The following PCDHAC2 variants were observed in gnomAD, a reference collection of about 807,000 sequenced individuals.
PCDHAC2 encodes protocadherin alpha subfamily C, 2.
PCDHAC2 carries 24 observed loss-of-function variants against 63.3 expected under a neutral mutation model. The ratio of observed to expected loss-of-function variants is 0.38; its 90% CI spans 0.27 to 0.53. PCDHAC2 has a LOEUF of 0.53. Ranked by LOEUF, PCDHAC2 falls within the 20% of genes least tolerant of loss-of-function variation. The pLI, the probability that PCDHAC2 is intolerant of heterozygous loss-of-function variation, is 0.81. For synonymous variants in PCDHAC2, 569 were observed against 529.4 expected, an observed-to-expected ratio of 1.07 and a Z score of -1.03; for missense variants, 1,181 against 1,275.2, an observed-to-expected ratio of 0.93 and a Z score of 1.12.
chr5:141,001,022 T>C (rs2097984457), intron 3 of PCDHAC2, among the ~76,000 whole-genome samples: 1 of 152,250 alleles, frequency 6.6e-6, no homozygotes, highest in Non-Finnish European at 1.5e-5. Context: ...TATACACTTA[T>C]AATAATAGCT....
At position 141,009,692 on chromosome 5, in the gene PCDHAC2, A is replaced by G. The variant is rs2098413739; in HGVS notation, c.2779A>G (p.Lys927Glu). The G allele has an allele frequency of 6.2e-7, 1 of 1,613,856 alleles. No homozygotes were observed. Among genetic ancestry groups the G allele is most frequent in the African/African-American group, 1.3e-5 (1 of 74,858 alleles). The stretch of plus-strand genomic sequence containing the variant: ...TGTCAACAGCAACAGCTGGACCTTT[A>G]AATACGGACCAGGCAACCCCAAACA... The part of the protein sequence containing the change: ...AGVNSNSWTF[K>E]YGPGNPKQSG... Residue 927 changes from lysine to glutamate, a missense_variant, in exon 4 of 4, where the codon AAA (lysine) becomes GAA (glutamate). Physicochemically the swap from Lys to Glu is moderately conservative, Grantham distance 56. Transcript: ENST00000289269.
chr5:141,007,133 G>A (rs1588151080), intron 3 of PCDHAC2, among the ~76,000 whole-genome samples: 1 of 152,128 alleles, frequency 6.6e-6, no homozygotes, highest in South Asian at 2.1e-4. Flanking sequence ...CAGATGAGGA[G>A]ACTGACAAAG....
intron 1 of PCDHAC2, among the ~76,000 whole-genome samples, chr5:140,970,254 T>C (rs1315934666): frequency 1.3e-5 from 2 of 152,238 alleles, no homozygotes; most frequent in African/African-American, 4.8e-5. Context: ...TGACAGTTTC[T>C]ATGGTTTTGA....
At chr5:140,971,624 T>C (rs2153790714) in intron 1 of PCDHAC2, among the ~76,000 whole-genome samples, 1 of 152,254 alleles carries the variant, frequency 6.6e-6, no homozygotes, top group East Asian at 1.9e-4. Flanking sequence ...TGGGGTACAA[T>C]TAGTACCATG....
rs567098369 is a variant in PCDHAC2, at chr5:140,966,528, G to T, written c.-239G>T. ...GCAGCAGCAGCAGGAAGCCGAGCCG[G>T]GTTGAGCGACTCGGAGGCGAGCGGA... On this transcript the variant is annotated 5_prime_UTR_variant, in exon 1 of 4. Transcript: ENST00000289269. 5.3e-4 allele frequency: 235 copies of T among 446,634 alleles called. No individual in the cohort carries two copies. Among genetic ancestry groups the T allele is most frequent in the Non-Finnish European group, 7.8e-4 (201 of 258,830 alleles). 27.7% of individuals were successfully genotyped at this position (446,634 alleles called of 1,614,324 possible).
At chr5:141,006,995 A>C (rs1277177404) in intron 3 of PCDHAC2, among the ~76,000 whole-genome samples, 1 of 152,208 alleles carries the variant, frequency 6.6e-6, no homozygotes, top group Non-Finnish European at 1.5e-5. Flanking sequence ...TTAAAATATA[A>C]GTCTGCATCT....
intron 3 of PCDHAC2, among the ~76,000 whole-genome samples, chr5:140,992,017 CTGTG>C (rs10602499): frequency 0.28 from 40,265 of 145,404 alleles, 5,754 homozygotes; most frequent in East Asian, 0.38. Flanking sequence ...AGAGGTGGCT[CTGTG>C]TGTGTGTGTG....
chr5:140,968,866 A>C lies in PCDHAC2; in HGVS notation c.2100A>C (p.Thr700=). Residue 700 remains threonine, a synonymous_variant, in exon 1 of 4, where the codon ACA becomes ACC. Coordinates refer to ENST00000289269, the MANE Select transcript of PCDHAC2 (RefSeq NM_018899.6). The part of the protein sequence containing the change: ...DTQRHVKSPR[T]YSEITLYLII... ...AGAGGCATGTTAAGAGCCCTCGGACATACTCTGAAATTACCCTTTATCTAA... is the reference window on the plus strand; with the variant it reads ...AGAGGCATGTTAAGAGCCCTCGGACCTACTCTGAAATTACCCTTTATCTAA... The C allele has an allele frequency of 6.2e-7, 1 of 1,614,230 alleles. No homozygotes were observed. Among genetic ancestry groups the C allele is most frequent in the Non-Finnish European group, 8.5e-7 (1 of 1,180,038 alleles).
chr5:141,000,112 C>T (rs1404445521), intron 3 of PCDHAC2, among the ~76,000 whole-genome samples: 1 of 152,128 alleles, frequency 6.6e-6, no homozygotes. Flanking sequence ...CGTCTCTTCC[C>T]TCATCCCCAA....
intron 2 of PCDHAC2, 148 bp from the exon 3 acceptor site, chr5:140,982,327 C>A: frequency 7.0e-7 from 1 of 1,419,146 alleles, no homozygotes; most frequent in South Asian, 1.4e-5. Context: ...AGGGTGACTG[C>A]TCAGCAGTAA....
intron 3 of PCDHAC2, among the ~76,000 whole-genome samples, chr5:140,984,647 G>C (rs1169327185): frequency 6.6e-6 from 1 of 152,102 alleles, no homozygotes; most frequent in Non-Finnish European, 1.5e-5. Flanking sequence ...CCTTCTCCCT[G>C]TCCTTCTGGT....
chr5:140,989,127 A>G (rs914524582), intron 3 of PCDHAC2: 2 of 152,216 alleles, frequency 1.3e-5, no homozygotes, highest in Non-Finnish European at 2.9e-5. Context: ...TAGAAAAATA[A>G]GACACTTTAT....
chr5:140,978,037 A>G (rs1260035731), intron 1 of PCDHAC2, among the ~76,000 whole-genome samples: 12 of 152,322 alleles, frequency 7.9e-5, no homozygotes, highest in African/African-American at 2.4e-4. Flanking sequence ...GATACAAGAC[A>G]GTGATGGTGA....
intron 1 of PCDHAC2, among the ~76,000 whole-genome samples, chr5:140,971,869 A>G (rs1277835883): frequency 1.3e-5 from 2 of 152,182 alleles, no homozygotes; most frequent in Non-Finnish European, 2.9e-5. Flanking sequence ...AACATCTAGC[A>G]TATGAGGAAA....
At position 141,009,773 on chromosome 5, in the gene PCDHAC2, A is replaced by C. The variant is rs782087059; in HGVS notation, c.2860A>C (p.Ile954Leu). ...KFIIPGSPAI[I>L]SIRQEPTNSQ... is the part of the protein sequence containing the mutation. ...CATTATCCCAGGATCTCCTGCAATC[A>C]TCTCCATCCGGCAGGAGCCTACTAA... Residue 954 changes from isoleucine to leucine, a missense_variant, in exon 4 of 4, where the codon ATC becomes CTC. Physicochemically the swap from Ile to Leu is conservative, Grantham distance 5. Around this residue, in one of 3 missense-constraint regions of PCDHAC2, gnomAD observed 968 missense variants for 1,073.5 expected, o/e 0.90. Transcript: ENST00000289269. 1 of 1,614,128 alleles carries C rather than the reference A, an allele frequency of 6.2e-7. No individual in the cohort carries two copies. Among genetic ancestry groups the C allele is most frequent in the East Asian group, 2.2e-5 (1 of 44,878 alleles).
At chr5:141,000,361 GTCTC>G (rs148596731) in intron 3 of PCDHAC2, among the ~76,000 whole-genome samples, 1,917 of 26,274 alleles carry the variant, frequency 0.073, 118 homozygotes, top group African/African-American at 0.11. Flanking sequence ...GTCTCTCTCT[GTCTC>G]TCTCTCTCTC....
At chr5:141,005,680 C>T (rs1389178600) in intron 3 of PCDHAC2, among the ~76,000 whole-genome samples, 6 of 111,878 alleles carry the variant, frequency 5.4e-5, no homozygotes, top group East Asian at 2.8e-4. Flanking sequence ...CCAGCCTGGG[C>T]GACAGAGCGA....
intron 3 of PCDHAC2, among the ~76,000 whole-genome samples, chr5:140,987,224 A>T (rs28567024): frequency 4.6e-5 from 7 of 152,044 alleles, no homozygotes; most frequent in East Asian, 1.9e-4. Context: ...AAAAAAAAAA[A>T]AAATAATAAA....
chr5:140,972,589 T>C (rs1258846206), intron 1 of PCDHAC2, among the ~76,000 whole-genome samples: 2 of 152,074 alleles, frequency 1.3e-5, no homozygotes, highest in Non-Finnish European at 2.9e-5. Flanking sequence ...AGAATTTCTC[T>C]TTGGAAATTT....
Sources: allele counts gnomAD v4.1 joint callset (sites outside exome capture counted in the v4.1 genomes callset), GRCh38; gene constraint gnomAD v4.1.1; regional missense constraint gnomAD v4.1.1; transcripts MANE v1.5; gene names NCBI Gene and HGNC (gene_info 2026-07-23, HGNC 2026-07-21).